KANK4: variants seen among roughly 807,000 people sequenced by gnomAD.
KANK4 encodes the protein KN motif and ankyrin repeat domains 4.
KANK4 carries 50 observed loss-of-function variants against 80.8 expected under a neutral mutation model. The ratio of observed to expected loss-of-function variants is 0.62; its 90% CI spans 0.49 to 0.78. The LOEUF (loss-of-function observed/expected upper bound fraction) is 0.78. KANK4 is among the 30% of genes least tolerant of loss of function. The pLI, the probability that KANK4 is intolerant of heterozygous loss-of-function variation, is 0.00. For missense variants in KANK4, 1,196 were observed against 1,240.1 expected (o/e 0.96, Z 0.53); for synonymous variants, 465 against 506.9 (o/e 0.92, Z 1.11).
intron 5 of KANK4, among the ~76,000 whole-genome samples, chr1:62,267,597 C>G (rs1013225524): frequency 6.6e-6 from 1 of 152,076 alleles, no homozygotes; most frequent in Admixed American, 6.5e-5. Context: ...GTCAGGTGTT[C>G]AAGATCAGCC....
At chr1:62,247,773 C>A in intron 8 of KANK4, 101 bp from the exon 9 acceptor site, 2 of 933,964 alleles carry the variant, frequency 2.1e-6, no homozygotes, top group Non-Finnish European at 3.3e-6. Context: ...AATACCACAA[C>A]CACTGATTTG....
At chr1:62,305,688 G>C (rs372636286) in intron 1 of KANK4, among the ~76,000 whole-genome samples, 7 of 152,036 alleles carry the variant, frequency 4.6e-5, no homozygotes, top group Admixed American at 2.0e-4. Context: ...CTCATCCAAG[G>C]TTCACTGGCC....
rs1385050411 is a variant in KANK4 at position 62,273,265 on chromosome 1, G to C, written c.1839C>G (p.Ala613=). The C allele has an allele frequency of 6.4e-7, 1 of 1,556,440 alleles. No homozygotes were observed. Among genetic ancestry groups the C allele is most frequent in the African/African-American group, 1.4e-5 (1 of 73,206 alleles). ...LLSSLNLLLS[A]YSAQAHPPKE... ...TGGGTGGGTGAGCCTGGGCCGAGTA[G>C]GCCGACAGCAGCAGGTTGAGGGAGC... Residue 613 remains alanine, a synonymous_variant, in exon 3 of 10, where the codon GCC becomes GCG. Transcript: ENST00000371153.
chr1:62,274,598 A>C lies in KANK4; in HGVS notation c.506T>G (p.Leu169Arg), dbSNP rs1361666786. ...CTCCTCAGAAGCCCTGCTGTGCAGCAGCGTGGCAGGCATGCTGGATGCTCT... is the reference window on the plus strand; with the variant it reads ...CTCCTCAGAAGCCCTGCTGTGCAGCCGCGTGGCAGGCATGCTGGATGCTCT... ...LLRASSMPATLLHSRASEEPG... is the reference protein window; with the variant it reads ...LLRASSMPATRLHSRASEEPG... Residue 169 changes from leucine (L) to arginine (R), a missense_variant, in exon 3 of 10, where the codon CTG becomes CGG. Around this residue, in one of 3 missense-constraint regions of KANK4, gnomAD observed 1,154 missense variants for 1,179.6 expected, o/e 0.98. Transcript: ENST00000371153. 1 of 1,614,092 alleles carries C rather than the reference A, an allele frequency of 6.2e-7. No individual in the cohort carries two copies. The highest frequency in any genetic ancestry group is 8.5e-7 in the Non-Finnish European group (1 of 1,179,992).
Position 62,274,303 on chromosome 1 carries a change from T to G in KANK4, c.801A>C (p.Glu267Asp). 1.2e-6 allele frequency: 2 copies of G among 1,614,164 alleles called. No homozygotes were observed. The highest frequency in any genetic ancestry group is 1.7e-6 in the Non-Finnish European group (2 of 1,180,030). Reference protein sequence around the residue: ...VLVVLEDKEDEHNAREAEVLF... With the variant: ...VLVVLEDKEDDHNAREAEVLF... ...ACACCTCTGCTTCTCTGGCATTGTG[T>G]TCATCTTCCTTGTCCTCTAGAACTA... The change falls in exon 3 of 10, where the codon GAA (glutamate) becomes GAC (aspartate). Residue 267 changes from glutamate to aspartate, a missense_variant. By Grantham distance (45) the Glu-to-Asp change is conservative. Transcript: ENST00000371153.
At chr1:62,260,335 CCTCT>C (rs887056933) in intron 7 of KANK4, among the ~76,000 whole-genome samples, 9 of 151,560 alleles carry the variant, frequency 5.9e-5, no homozygotes, top group Admixed American at 1.3e-4. Flanking sequence ...TTTTTCTCTC[CCTCT>C]CTCTCTTTTT....
At chr1:62,254,440 C>T (rs1671701310) in intron 7 of KANK4, among the ~76,000 whole-genome samples, 2 of 151,120 alleles carry the variant, frequency 1.3e-5, no homozygotes, top group African/African-American at 4.9e-5. Flanking sequence ...CAGAGTTTCA[C>T]TGTATTGGCC....
chr1:62,275,108 T>C, intron 2 of KANK4, 21 bp from the exon 3 acceptor site: 1 of 1,241,204 alleles, frequency 8.1e-7, no homozygotes, highest in Non-Finnish European at 1.1e-6. Context: ...TAAGACAAGT[T>C]AAAAAAAAAA....
chr1:62,292,447 C>G (rs1435684258), intron 1 of KANK4, among the ~76,000 whole-genome samples: 4 of 152,164 alleles, frequency 2.6e-5, no homozygotes, highest in Non-Finnish European at 4.4e-5. Flanking sequence ...CAGTATTTCC[C>G]CATATTACCT....
intron 2 of KANK4, among the ~76,000 whole-genome samples, chr1:62,276,726 G>A (rs1216568106): frequency 3.5e-5 from 5 of 141,714 alleles, no homozygotes; most frequent in African/African-American, 8.2e-5. Context: ...GCAGTGAGCC[G>A]AGATTGCACC....
rs755414930 is a variant in KANK4 at position 62,253,098 on chromosome 1, C to G, written c.2651G>C (p.Arg884Thr). The part of the protein sequence containing the change: ...EDMAVVWKLL[R>T]EGNVNIQATQ... The stretch of plus-strand genomic sequence containing the variant: ...AGCTTGAATGTTCACATTTCCTTCT[C>G]TTAAGAGCTTCCAGACAACAGCCAT... Residue 884 changes from arginine (R) to threonine (T), a missense_variant, in exon 8 of 10, where the codon AGA (arginine) becomes ACA (threonine). Arg to Thr is a moderately conservative substitution (Grantham distance 71). Coordinates refer to ENST00000371153, the MANE Select transcript of KANK4 (RefSeq NM_181712.5). The G allele has an allele frequency of 6.2e-7, 1 of 1,614,066 alleles. No homozygotes were observed. The highest frequency in any genetic ancestry group is 8.5e-7 in the Non-Finnish European group (1 of 1,179,982).
chr1:62,293,340 C>G (rs568242821), intron 1 of KANK4, among the ~76,000 whole-genome samples: 1 of 151,932 alleles, frequency 6.6e-6, no homozygotes, highest in Non-Finnish European at 1.5e-5. Flanking sequence ...GATGATCTAC[C>G]GGCCTCGGCT....
At chr1:62,281,663 G>A in intron 1 of KANK4, 29 bp from the exon 2 acceptor site, 5 of 1,349,442 alleles carry the variant, frequency 3.7e-6, no homozygotes, top group Non-Finnish European at 4.3e-6. Context: ...CAGAAGTGGT[G>A]AGTCTCATTA....
intron 6 of KANK4, among the ~76,000 whole-genome samples, chr1:62,266,059 TCA>T (rs1171233818): frequency 6.6e-6 from 1 of 152,204 alleles, no homozygotes; most frequent in East Asian, 1.9e-4. Context: ...TACATGCTTT[TCA>T]CACTCTGTCC....
At chr1:62,310,389 G>C (rs1023057769) in intron 1 of KANK4, among the ~76,000 whole-genome samples, 1 of 152,164 alleles carries the variant, frequency 6.6e-6, no homozygotes, top group East Asian at 1.9e-4. Context: ...GATGCAGGGA[G>C]GACTGGAGAG....
chr1:62,318,592 G>C (rs1231834595), intron 1 of KANK4, among the ~76,000 whole-genome samples: 1 of 152,208 alleles, frequency 6.6e-6, no homozygotes, highest in African/African-American at 2.4e-5. Flanking sequence ...GCCAGGGTTG[G>C]CACTACGGGG....
At position 62,283,731 on chromosome 1, in the gene KANK4, G is replaced by C. The variant is rs1672501336; in HGVS notation, c.-70-2097C>G. 3.3e-5 allele frequency among the ~76,000 whole-genome samples: 5 copies of C among 152,248 alleles called. No homozygotes were observed. The South Asian group carries it at 1.0e-3, about 32-fold the overall frequency. On this transcript the variant is annotated intron_variant, in intron 1 of 9. Coordinates refer to ENST00000371153, the MANE Select transcript of KANK4 (RefSeq NM_181712.5). Reference sequence around the variant, plus strand: ...CTACTGCAGAGGAGGGGGCCACTTGGGTACAGCTGGACTTTTGGCTTCACA... The same window carrying C: ...CTACTGCAGAGGAGGGGGCCACTTGCGTACAGCTGGACTTTTGGCTTCACA...
At chr1:62,313,727 A>G (rs1644516271) in intron 1 of KANK4, among the ~76,000 whole-genome samples, 1 of 152,172 alleles carries the variant, frequency 6.6e-6, no homozygotes, top group Admixed American at 6.5e-5. Flanking sequence ...GAGGGAGAGC[A>G]TTAGGACAAA....
chr1:62,249,087 C>T (rs1452712052), intron 8 of KANK4, among the ~76,000 whole-genome samples: 2 of 148,534 alleles, frequency 1.3e-5, no homozygotes, highest in South Asian at 4.3e-4. Context: ...ATCACTTGAA[C>T]CCGGGAGGCA....
Sources: allele counts gnomAD v4.1 joint callset (sites outside exome capture counted in the v4.1 genomes callset), GRCh38; gene constraint gnomAD v4.1.1; regional missense constraint gnomAD v4.1.1; transcripts MANE v1.5; gene names NCBI Gene and HGNC (gene_info 2026-07-23, HGNC 2026-07-21).